The following ADCY2 variants were observed in gnomAD, a reference collection of about 807,000 sequenced individuals.
ADCY2 encodes the protein adenylate cyclase 2.
A neutral mutation model predicts 125.2 loss-of-function variants in ADCY2; 31 were observed. The observed-to-expected ratio is 0.25, with a 90% CI of 0.19 to 0.33. The LOEUF is 0.33. Ranked by LOEUF, ADCY2 falls within the 10% of genes least tolerant of loss-of-function variation. The pLI is 1.00. For synonymous variants in ADCY2, 512 were observed against 548.4 expected, an observed-to-expected ratio of 0.93 and a Z score of 0.93; for missense variants, 904 against 1,418.2, an observed-to-expected ratio of 0.64 and a Z score of 5.82.
chr5:7,414,239 G>C (rs1001561861), intron 1 of ADCY2, among the ~76,000 whole-genome samples: 1 of 152,200 alleles, frequency 6.6e-6, no homozygotes, highest in African/African-American at 2.4e-5. Flanking sequence ...AGGGAGAGAA[G>C]TTGGTTGTCT....
chr5:7,816,829 C>T (rs1311688943), intron 22 of ADCY2, 37 bp from the exon 23 acceptor site: 2 of 1,554,132 alleles, frequency 1.3e-6, no homozygotes, highest in Non-Finnish European at 1.8e-6. Flanking sequence ...AGCTGTGATG[C>T]TCTAACTTCC....
At chr5:7,422,381 C>T (rs775139572) in intron 2 of ADCY2, among the ~76,000 whole-genome samples, 4 of 152,046 alleles carry the variant, frequency 2.6e-5, no homozygotes, top group Admixed American at 6.5e-5. Context: ...CACTTCATCT[C>T]AGCTGATAAT....
At chr5:7,581,972 C>A (rs773906534) in intron 3 of ADCY2, among the ~76,000 whole-genome samples, 1 of 152,030 alleles carries the variant, frequency 6.6e-6, no homozygotes, top group African/African-American at 2.4e-5. Flanking sequence ...GAAACACTGA[C>A]TAAAAGATGA....
At chr5:7,549,243 T>C (rs112451270) in intron 3 of ADCY2, among the ~76,000 whole-genome samples, 255 of 152,290 alleles carry the variant, frequency 1.7e-3, no homozygotes, top group African/African-American at 5.9e-3. Context: ...GTTTCTGTTG[T>C]GGATAGTGGG....
chr5:7,743,866 C>A, intron 15 of ADCY2, 114 bp downstream of exon 15: 1 of 938,462 alleles, frequency 1.1e-6, no homozygotes. Context: ...TTCAAGAACT[C>A]CAGATCCCAG....
chr5:7,747,221 C>G (rs556008987), intron 15 of ADCY2, among the ~76,000 whole-genome samples: 3 of 152,180 alleles, frequency 2.0e-5, no homozygotes, highest in African/African-American at 7.2e-5. Context: ...GCCCAGCCAC[C>G]GGGCACCTTC....
At chr5:7,489,028 C>A (rs1561053371) in intron 2 of ADCY2, among the ~76,000 whole-genome samples, 1 of 152,162 alleles carries the variant, frequency 6.6e-6, no homozygotes, top group Admixed American at 6.5e-5. Context: ...TGCCTTCTCC[C>A]CAGTTTACCA....
At chr5:7,443,483 A>C (rs2126403903) in intron 2 of ADCY2, among the ~76,000 whole-genome samples, 1 of 151,780 alleles carries the variant, frequency 6.6e-6, no homozygotes, top group South Asian at 2.1e-4. Context: ...TACTAAAAAT[A>C]CAAAAAATTA....
intron 2 of ADCY2, among the ~76,000 whole-genome samples, chr5:7,454,436 G>A (rs1231000197): frequency 1.3e-5 from 2 of 152,172 alleles, no homozygotes; most frequent in Admixed American, 6.5e-5. Context: ...TGATGTATGC[G>A]TCTATTTACT....
intron 4 of ADCY2, among the ~76,000 whole-genome samples, chr5:7,638,588 T>C (rs1367941491): frequency 6.6e-6 from 1 of 152,198 alleles, no homozygotes; most frequent in Non-Finnish European, 1.5e-5. Context: ...CCAATGTGTG[T>C]AAGTGCCTTG....
chr5:7,610,599 G>T (rs1737545479), intron 3 of ADCY2, among the ~76,000 whole-genome samples: 1 of 152,184 alleles, frequency 6.6e-6, no homozygotes, highest in Non-Finnish European at 1.5e-5. Flanking sequence ...AGGGAAATGA[G>T]AAATGGAGAA....
At chr5:7,493,790 G>C (rs577811906) in intron 2 of ADCY2, among the ~76,000 whole-genome samples, 1 of 152,166 alleles carries the variant, frequency 6.6e-6, no homozygotes, top group South Asian at 2.1e-4. Context: ...ACAAATTGTT[G>C]CTGATTCATC....
intron 4 of ADCY2, among the ~76,000 whole-genome samples, chr5:7,644,945 T>A (rs1373941231): frequency 6.6e-6 from 1 of 152,152 alleles, no homozygotes; most frequent in Non-Finnish European, 1.5e-5. Flanking sequence ...TAGTTAATAA[T>A]GCAGTGCCCT....
chr5:7,665,818 T>C (rs1318109026), intron 4 of ADCY2, among the ~76,000 whole-genome samples: 1 of 148,880 alleles, frequency 6.7e-6, no homozygotes, highest in Non-Finnish European at 1.5e-5. Flanking sequence ...TGTTTTTTTT[T>C]AATTTAATTC....
At chr5:7,574,610 G>A (rs1447396936) in intron 3 of ADCY2, among the ~76,000 whole-genome samples, 6 of 152,134 alleles carry the variant, frequency 3.9e-5, no homozygotes, top group East Asian at 1.9e-4. Flanking sequence ...GTGGCAAAGC[G>A]TTCAAATCTA....
At chr5:7,615,376 G>A (rs1432214797) in intron 3 of ADCY2, among the ~76,000 whole-genome samples, 1 of 152,146 alleles carries the variant, frequency 6.6e-6, no homozygotes, top group African/African-American at 2.4e-5. Context: ...GTCACTTCAT[G>A]TGACTTATAG....
chr5:7,760,222 G>A (rs1743150758), intron 16 of ADCY2, among the ~76,000 whole-genome samples: 1 of 152,358 alleles, frequency 6.6e-6, no homozygotes, highest in East Asian at 1.9e-4. Context: ...GGTTTTTCGG[G>A]CTCGACTTTG....
At chr5:7,428,495 C>A (rs950319623) in intron 2 of ADCY2, among the ~76,000 whole-genome samples, 1 of 152,082 alleles carries the variant, frequency 6.6e-6, no homozygotes, top group Non-Finnish European at 1.5e-5. Context: ...CTTTAGTTCC[C>A]AAGTTTCCAT....
At chr5:7,801,110 G>C (rs1310674519) in intron 20 of ADCY2, 2 of 152,210 alleles carry the variant, frequency 1.3e-5, no homozygotes, top group African/African-American at 4.8e-5. Context: ...GGTTGCCCTG[G>C]CTCTGATGGG....
Sources: gnomAD v4.1 joint callset for allele counts (sites outside exome capture counted in the v4.1 genomes callset) on GRCh38, gnomAD v4.1.1 for gene constraint, MANE v1.5 for transcripts, NCBI Gene and HGNC (gene_info 2026-07-23, HGNC 2026-07-21) for gene names.